The following FRMD4A variants were observed in gnomAD, a reference collection of about 807,000 sequenced individuals.
The protein encoded by FRMD4A is FERM domain-containing protein 4A.
In FRMD4A, 29 loss-of-function variants were observed where a neutral mutation model predicts 129.1. The observed-to-expected ratio is 0.22, with a 90% CI of 0.17 to 0.31. FRMD4A has a LOEUF of 0.31. Ranked by LOEUF, FRMD4A falls within the 10% of genes least tolerant of loss-of-function variation. FRMD4A has a pLI of 1.00. For synonymous variants in FRMD4A, 634 were observed against 571.6 expected (o/e 1.11, Z -1.56); for missense variants, 1,272 against 1,375.8 (o/e 0.92, Z 1.19).
At chr10:13,788,897 G>A (rs541305920) in intron 5 of FRMD4A, among the ~76,000 whole-genome samples, 1 of 152,306 alleles carries the variant, frequency 6.6e-6, no homozygotes, top group Non-Finnish European at 1.5e-5. Flanking sequence ...GATGGCAAGG[G>A]CCCAGCCAGA....
chr10:14,045,809 A>G (rs1265797179), intron 2 of FRMD4A, among the ~76,000 whole-genome samples: 1 of 145,798 alleles, frequency 6.9e-6, no homozygotes, highest in African/African-American at 2.5e-5. Flanking sequence ...ATTATATAGA[A>G]TAGATATGTA....
chr10:13,668,617 G>A (rs1277769700), intron 17 of FRMD4A, among the ~76,000 whole-genome samples: 1 of 152,220 alleles, frequency 6.6e-6, no homozygotes, highest in Non-Finnish European at 1.5e-5. Flanking sequence ...AGGTAAGGAA[G>A]CACATGGCTA....
intron 2 of FRMD4A, among the ~76,000 whole-genome samples, chr10:13,889,459 T>C (rs1305562676): frequency 6.6e-6 from 1 of 152,226 alleles, no homozygotes; most frequent in Non-Finnish European, 1.5e-5. Flanking sequence ...TTCTCATGGA[T>C]TATGAAATCA....
At chr10:14,127,918 C>A (rs1024358203) in intron 2 of FRMD4A, among the ~76,000 whole-genome samples, 1 of 2,984 alleles carries the variant, frequency 3.4e-4, no homozygotes, top group Non-Finnish European at 6.0e-4. Context: ...TTCTTTCTTT[C>A]TTTCTTTCTT....
chr10:14,217,218 C>T (rs1488666734), intron 2 of FRMD4A, among the ~76,000 whole-genome samples: 1 of 152,156 alleles, frequency 6.6e-6, no homozygotes, highest in Admixed American at 6.5e-5. Context: ...ACATCAATCC[C>T]TAGGGAGCCC....
chr10:13,939,895 T>A (rs2095277980), intron 2 of FRMD4A, among the ~76,000 whole-genome samples: 1 of 152,222 alleles, frequency 6.6e-6, no homozygotes, highest in Non-Finnish European at 1.5e-5. Context: ...ATAGTTGAAG[T>A]TGCTTTCTAA....
chr10:13,765,737 C>T (rs1043493020), intron 6 of FRMD4A, among the ~76,000 whole-genome samples: 2 of 152,136 alleles, frequency 1.3e-5, no homozygotes, highest in African/African-American at 2.4e-5. Context: ...ATTGCAGTTC[C>T]GGGATTAGCA....
intron 2 of FRMD4A, among the ~76,000 whole-genome samples, chr10:14,313,469 G>A (rs982559334): frequency 2.0e-4 from 31 of 152,316 alleles, no homozygotes; most frequent in African/African-American, 6.0e-4. Flanking sequence ...AATTATCTAC[G>A]AAGAGTTTCA....
At chr10:14,060,649 T>C (rs1366074766) in intron 2 of FRMD4A, among the ~76,000 whole-genome samples, 1 of 152,212 alleles carries the variant, frequency 6.6e-6, no homozygotes, top group Non-Finnish European at 1.5e-5. Context: ...ATGTGTCAAA[T>C]GCCTCATTTT....
chr10:14,234,205 G>T (rs976227894), intron 2 of FRMD4A, among the ~76,000 whole-genome samples: 1 of 108,354 alleles, frequency 9.2e-6, no homozygotes, highest in Admixed American at 1.2e-4. Context: ...CTATTCAGTA[G>T]GACTTCAGGG....
At chr10:14,108,939 G>A (rs1381670070) in intron 2 of FRMD4A, among the ~76,000 whole-genome samples, 1 of 152,146 alleles carries the variant, frequency 6.6e-6, no homozygotes, top group Non-Finnish European at 1.5e-5. Context: ...CCAGATCTTT[G>A]TAGGTCATGT....
At chr10:14,269,864 T>G (rs1360921583) in intron 2 of FRMD4A, among the ~76,000 whole-genome samples, 1 of 152,134 alleles carries the variant, frequency 6.6e-6, no homozygotes, top group Non-Finnish European at 1.5e-5. Context: ...AACCAGCCCC[T>G]CTCCTGCAGA....
intron 2 of FRMD4A, among the ~76,000 whole-genome samples, chr10:14,065,057 A>C (rs1834991201): frequency 6.6e-6 from 1 of 152,212 alleles, no homozygotes; most frequent in South Asian, 2.1e-4. Flanking sequence ...AGTGGTAGGG[A>C]GTGCCAAATC....
chr10:14,125,189 C>T (rs770053692), intron 2 of FRMD4A, among the ~76,000 whole-genome samples: 2 of 152,192 alleles, frequency 1.3e-5, no homozygotes. Context: ...GATGACTATG[C>T]TCTTCTCTGA....
chr10:13,781,447 G>A (rs996951816), intron 6 of FRMD4A, among the ~76,000 whole-genome samples: 4 of 130,768 alleles, frequency 3.1e-5, no homozygotes, highest in African/African-American at 1.2e-4. Flanking sequence ...GTATGATCTC[G>A]GCTCACTGTA....
intron 2 of FRMD4A, among the ~76,000 whole-genome samples, chr10:13,908,645 G>A (rs931456633): frequency 6.6e-6 from 1 of 152,136 alleles, no homozygotes; most frequent in African/African-American, 2.4e-5. Context: ...AAACAGCCAG[G>A]GCCTTTGCTC....
At chr10:13,693,146 T>A (rs2085884226) in intron 15 of FRMD4A, 1 of 158,028 alleles carries the variant, frequency 6.3e-6, no homozygotes, top group Non-Finnish European at 1.4e-5. Flanking sequence ...AGTGCTGGGA[T>A]TAGAGGTGTG....
intron 12 of FRMD4A, among the ~76,000 whole-genome samples, chr10:13,731,877 C>T (rs2090344696): frequency 6.6e-6 from 1 of 152,024 alleles, no homozygotes; most frequent in Admixed American, 6.6e-5. Flanking sequence ...AGTTGGCCTT[C>T]AGAAGTTCAA....
At chr10:13,917,882 T>A (rs1189208907) in intron 2 of FRMD4A, among the ~76,000 whole-genome samples, 1 of 152,216 alleles carries the variant, frequency 6.6e-6, no homozygotes, top group African/African-American at 2.4e-5. Flanking sequence ...CTCAGTTTTG[T>A]TGCTGATAGC....
Sources: allele counts gnomAD v4.1 joint callset (sites outside exome capture counted in the v4.1 genomes callset), GRCh38; gene constraint gnomAD v4.1.1; transcripts MANE v1.5; gene names NCBI Gene and HGNC (gene_info 2026-07-23, HGNC 2026-07-21).